Variants in EPHB6 observed in about 807,000 individuals in gnomAD.
The protein encoded by EPHB6 is ephrin type-B receptor 6.
In EPHB6, 51 loss-of-function variants were observed where a neutral mutation model predicts 107.0. The observed-to-expected ratio is 0.48, with a 90% confidence interval of 0.38 to 0.60. The LOEUF (loss-of-function observed/expected upper bound fraction) is 0.60. EPHB6 is among the 20% of genes least tolerant of loss of function. The pLI is 0.00. For missense variants in EPHB6, 1,141 were observed against 1,355.5 expected (o/e 0.84, Z 2.48); for synonymous variants, 553 against 549.0 (o/e 1.01, Z -0.10).
chr7:142,856,164 C>G (rs1278099847), intron 1 of EPHB6, among the ~76,000 whole-genome samples: 1 of 152,190 alleles, frequency 6.6e-6, no homozygotes, highest in African/African-American at 2.4e-5. Flanking sequence ...GCCCTCCGCC[C>G]GCCAGGGGAA....
intron 5 of EPHB6, 86 bp from the exon 6 acceptor site, chr7:142,863,545 T>G (rs1043355699): frequency 6.6e-7 from 1 of 1,510,806 alleles, no homozygotes; most frequent in African/African-American, 1.4e-5. Flanking sequence ...GGTGGGGCAT[T>G]CTTTTGTTCG....
At position 142,863,647 on chromosome 7, in the gene EPHB6, C is replaced by A; in HGVS notation, c.117C>A (p.Thr39=). The part of the protein sequence containing the change: ...VLALEEVLLD[T]TGETSEIGWL... ...TCTGGGCAGAGGTATTGCTGGACAC[C>A]ACCGGAGAGACATCTGAGATTGGCT... is the stretch of plus-strand genomic sequence containing the variant. Residue 39 remains threonine (T), a synonymous_variant, in exon 6 of 20, where the codon ACC becomes ACA. Coordinates refer to ENST00000652003, the MANE Select transcript of EPHB6 (RefSeq NM_004445.6). 1 of 1,613,872 alleles carries A rather than the reference C, an allele frequency of 6.2e-7. No individual in the cohort carries two copies. Among genetic ancestry groups the A allele is most frequent in the South Asian group, 1.1e-5 (1 of 91,072 alleles).
chr7:142,868,022 G>A lies in EPHB6; in HGVS notation c.1891G>A (p.Glu631Lys), dbSNP rs776749558. ...QRKRRGTGYT[E>K]QLQQYSSPGL... ...GAAGCGGCGTGGGACTGGCTACACA[G>A]AGCAGCTGCAGCAATACAGCAGCCC... Residue 631 changes from glutamate to lysine, a missense_variant, in exon 13 of 20, where the codon GAG becomes AAG. By Grantham distance (56) the Glu-to-Lys change is moderately conservative. Around this residue, in one of 3 missense-constraint regions of EPHB6, gnomAD observed 616 missense variants for 759.3 expected, o/e 0.81. Transcript: ENST00000652003. This position sits in a 1 kb window ranked among gnomAD's most constrained non-coding sequence, Gnocchi z 4.2. The A allele has an allele frequency of 7.5e-6, 12 of 1,590,738 alleles. No individual in the cohort carries two copies. Among genetic ancestry groups the A allele is most frequent in the Non-Finnish European group, 1.0e-5 (12 of 1,168,706 alleles).
rs762956839 is a variant in EPHB6, at chr7:142,866,282, G to C, written c.1428G>C (p.Gln476His). ...CTGAGCTCAGCCCTGACCCTCCTCA[G>C]GCTGCAGCCATCAATGTCAGCACCA... ...GVSELSPDPPQAAAINVSTSH... is the reference protein window; with the variant it reads ...GVSELSPDPPHAAAINVSTSH... The change falls in exon 9 of 20, where the codon CAG becomes CAC. Residue 476 changes from glutamine to histidine, a missense_variant. By Grantham distance (24) the Gln-to-His change is conservative. This residue lies in a region of EPHB6 where 616 missense variants were observed against 759.3 expected (regional missense o/e 0.81). Transcript: ENST00000652003. This position sits in a 1 kb window ranked among gnomAD's most constrained non-coding sequence, Gnocchi z 5.2. The C allele has an allele frequency of 3.6e-5, 58 of 1,613,892 alleles. No individual in the cohort carries two copies. In the South Asian group the frequency reaches 6.3e-4, roughly 17 times the overall value.
intron 2 of EPHB6, among the ~76,000 whole-genome samples, chr7:142,861,643 C>A (rs8177130): frequency 0.13 from 20,013 of 152,252 alleles, 3,500 homozygotes; most frequent in African/African-American, 0.4. Context: ...ATCAGTGCAT[C>A]AACAGTTGCC....
At chr7:142,856,957 G>A (rs368395824) in intron 1 of EPHB6, among the ~76,000 whole-genome samples, 143 of 152,314 alleles carry the variant, frequency 9.4e-4, no homozygotes, top group African/African-American at 3.2e-3. Flanking sequence ...CACTGCTGAC[G>A]CAGGTGCTAC....
chr7:142,868,346 A>G lies in EPHB6; in HGVS notation c.2024A>G (p.Glu675Gly). 6.2e-7 allele frequency: 1 copy of G among 1,614,090 alleles called. No homozygotes were observed. Among genetic ancestry groups the G allele is most frequent in the Admixed American group, 1.7e-5 (1 of 60,016 alleles). The change falls in exon 14 of 20, where the codon GAG (glutamate) becomes GGG (glycine). Residue 675 changes from glutamate (E) to glycine (G), a missense_variant. This residue lies in a region of EPHB6 where 616 missense variants were observed against 759.3 expected (regional missense o/e 0.81). Coordinates refer to ENST00000652003, the MANE Select transcript of EPHB6 (RefSeq NM_004445.6). This position sits in a 1 kb window ranked among gnomAD's most constrained non-coding sequence, Gnocchi z 4.2. ...EVDPAYIKIE[E>G]VIGTGSFGEV... ...GATCCTGCTTATATCAAGATTGAGG[A>G]GGTCATTGGGACAGGTACAGCAGGG... is the stretch of plus-strand genomic sequence containing the variant.
Position 142,865,972 on chromosome 7 carries a change from C to T in EPHB6, c.1118C>T (p.Ala373Val). The change falls in exon 9 of 20, where the codon GCT becomes GTT. Residue 373 changes from alanine to valine, a missense_variant. Ala to Val is a moderately conservative substitution (Grantham distance 64, BLOSUM62 0). Around this residue, in one of 3 missense-constraint regions of EPHB6, gnomAD observed 304 missense variants for 295.7 expected, o/e 1.03. Coordinates refer to ENST00000652003, the MANE Select transcript of EPHB6 (RefSeq NM_004445.6). ...TCCGGCCCCCCAGGTCCTCCATCGG[C>T]TCCCCAGGAGCTTTGGTTTGAGGTG... ...PEAPCTGPPS[A>V]PQELWFEVQG... 1 of 1,613,978 alleles carries T rather than the reference C, an allele frequency of 6.2e-7. No homozygotes were observed. Among genetic ancestry groups the T allele is most frequent in the South Asian group, 1.1e-5 (1 of 91,082 alleles).
intron 6 of EPHB6, 68 bp from the exon 7 acceptor site, chr7:142,863,898 C>G: frequency 1.9e-6 from 3 of 1,604,082 alleles, no homozygotes; most frequent in Non-Finnish European, 2.6e-6. Flanking sequence ...ATGTCCCCTT[C>G]CCTATAACCT....
rs758832569 is a variant in EPHB6, at chr7:142,870,798, A to C, written c.2963A>C (p.Asp988Ala). 2 of 1,613,954 alleles carry C rather than the reference A, an allele frequency of 1.2e-6. No homozygotes were observed. The highest frequency in any genetic ancestry group is 1.7e-6 in the Non-Finnish European group (2 of 1,179,992). The change falls in exon 20 of 20, where the codon GAC (aspartate) becomes GCC (alanine). Residue 988 changes from aspartate (D) to alanine (A), a missense_variant and splice_region_variant. By Grantham distance (126) the Asp-to-Ala change is moderately radical (BLOSUM62 -2). Transcript: ENST00000652003. ...FSDVAQLSLE[D>A]LPALGITLAG... is the part of the protein sequence containing the mutation. ...TTGATCCCTTCCCTCCCCACCAGAG[A>C]CCTGCCTGCCCTGGGCATCACCCTG...
intron 5 of EPHB6, 27 bp from the exon 6 acceptor site, chr7:142,863,604 C>T (rs1802957466): frequency 3.7e-6 from 6 of 1,612,774 alleles, no homozygotes; most frequent in Non-Finnish European, 4.2e-6. Context: ...GGCTTGGCCA[C>T]TGTGTGCCCC....
rs1794635086 is a variant in EPHB6 at position 142,867,000 on chromosome 7, T to G, written c.1682T>G (p.Val561Gly). 6.2e-7 allele frequency: 1 copy of G among 1,612,314 alleles called. No homozygotes were observed. The highest frequency in any genetic ancestry group is 8.5e-7 in the Non-Finnish European group (1 of 1,179,806). ...CCTGGCCACATCTATGGTTTCCAGG[T>G]GCGGGCCCGGACTGCTGCCGGCCAC... ...LSPGHIYGFQ[V>G]RARTAAGHGP... Residue 561 changes from valine (V) to glycine (G), a missense_variant, in exon 11 of 20, where the codon GTG becomes GGG. Around this residue, in one of 3 missense-constraint regions of EPHB6, gnomAD observed 616 missense variants for 759.3 expected, o/e 0.81. Coordinates refer to ENST00000652003, the MANE Select transcript of EPHB6 (RefSeq NM_004445.6). The surrounding 1 kb of genome is among the most constrained non-coding windows in gnomAD (Gnocchi z 5.2).
At position 142,869,195 on chromosome 7, in the gene EPHB6, C is replaced by G. The variant is rs767963226; in HGVS notation, c.2460+48C>G. 3.8e-6 allele frequency: 6 copies of G among 1,596,466 alleles called. No individual in the cohort carries two copies. The highest frequency in any genetic ancestry group is 5.1e-6 in the Non-Finnish European group (6 of 1,169,926). On this transcript the variant is annotated intron_variant, in intron 16 of 19. Transcript: ENST00000652003. The surrounding 1 kb of genome is among the most constrained non-coding windows in gnomAD (Gnocchi z 4.5). ...ACAGCCTGGGGCCTTGTGGCATGCCCCAGCAGGTGCTGGGGTCGGGGGTGA... is the reference window on the plus strand; with the variant it reads ...ACAGCCTGGGGCCTTGTGGCATGCCGCAGCAGGTGCTGGGGTCGGGGGTGA...
rs1794726125 is a variant in EPHB6 at position 142,868,495 on chromosome 7, C to T, written c.2042C>T (p.Ser681Phe). 2.5e-6 allele frequency: 4 copies of T among 1,613,946 alleles called. No individual in the cohort carries two copies. The highest frequency in any genetic ancestry group is 2.7e-5 in the African/African-American group (2 of 74,928). ...CAACCTACACCTATTTTCCCAGGCTCTTTTGGAGAAGTGCGCCAGGGCCGC... is the reference window on the plus strand; with the variant it reads ...CAACCTACACCTATTTTCCCAGGCTTTTTTGGAGAAGTGCGCCAGGGCCGC... ...IKIEEVIGTG[S>F]FGEVRQGRLQ... Residue 681 changes from serine to phenylalanine, a missense_variant, in exon 15 of 20, where the codon TCT becomes TTT. Physicochemically the swap from Ser to Phe is radical, Grantham distance 155 (BLOSUM62 -2). Coordinates refer to ENST00000652003, the MANE Select transcript of EPHB6 (RefSeq NM_004445.6). The surrounding 1 kb of genome is among the most constrained non-coding windows in gnomAD (Gnocchi z 4.2).
intron 1 of EPHB6, among the ~76,000 whole-genome samples, chr7:142,858,089 C>T (rs772084594): frequency 1.6e-4 from 25 of 151,932 alleles, no homozygotes; most frequent in Non-Finnish European, 3.2e-4. Flanking sequence ...TGAGATTTTA[C>T]GTTAATTATA....
Position 142,867,630 on chromosome 7 carries a change from A to G in EPHB6, c.1773A>G (p.Pro591=), listed in dbSNP as rs8177153. ...CAGGGGAGCTGTCTTCCCAGCTTCC[A>G]GAAAGACTCTCCTTGGTGATCGGCT... is the stretch of plus-strand genomic sequence containing the variant. ...LPQGELSSQL[P]ERLSLVIGSI... Residue 591 remains proline (P), a synonymous_variant, in exon 12 of 20, where the codon CCA becomes CCG. Transcript: ENST00000652003. The surrounding 1 kb of genome is among the most constrained non-coding windows in gnomAD (Gnocchi z 5.3). The G allele has an allele frequency of 0.98, 1,581,477 of 1,613,266 alleles. 775,502 individuals carry two copies. Among genetic ancestry groups the G allele is most frequent in the East Asian group, 0.99 (44,438 of 44,860 alleles).
intron 1 of EPHB6, among the ~76,000 whole-genome samples, chr7:142,860,372 T>C (rs1251430701): frequency 6.6e-6 from 1 of 152,248 alleles, no homozygotes; most frequent in Non-Finnish European, 1.5e-5. Context: ...AAGGACTCCG[T>C]GACTCTGGTT....
rs1437945448 is a variant in EPHB6, at chr7:142,866,478, T to C, written c.1463-3T>C. On this transcript the variant is annotated splice_region_variant and splice_polypyrimidine_tract_variant and intron_variant, in intron 9 of 19. Transcript: ENST00000652003. This position sits in a 1 kb window ranked among gnomAD's most constrained non-coding sequence, Gnocchi z 5.2. Reference sequence around the variant, plus strand: ...CCATAATAATTTTCCTTTTGCACTCTAGTGCCCTCTGCTGTCCCTGTGGTG... The same window carrying C: ...CCATAATAATTTTCCTTTTGCACTCCAGTGCCCTCTGCTGTCCCTGTGGTG... 1 of 1,614,120 alleles carries C rather than the reference T, an allele frequency of 6.2e-7. No homozygotes were observed. The highest frequency in any genetic ancestry group is 8.5e-7 in the Non-Finnish European group (1 of 1,180,014).
rs139843314 is a variant in EPHB6 at position 142,865,546 on chromosome 7, G to A, written c.1021G>A (p.Ala341Thr). The change falls in exon 8 of 20, where the codon GCT becomes ACT. Residue 341 changes from alanine to threonine, a missense_variant. Ala to Thr is a moderately conservative substitution (Grantham distance 58). Around this residue, in one of 3 missense-constraint regions of EPHB6, gnomAD observed 304 missense variants for 295.7 expected, o/e 1.03. Coordinates refer to ENST00000652003, the MANE Select transcript of EPHB6 (RefSeq NM_004445.6). The stretch of plus-strand genomic sequence containing the variant: ...CTCACCATGCCCTGCCCGCAGTCAC[G>A]CTCCCAACCCAGCAGCCCCCGTTTG... ...PCSPCPARSH[A>T]PNPAAPVCPC... The A allele has an allele frequency of 3.5e-5, 57 of 1,613,286 alleles. No individual in the cohort carries two copies. The highest frequency in any genetic ancestry group is 3.5e-4 in the Admixed American group (21 of 59,990).
Sources: gnomAD v4.1 joint callset for allele counts (sites outside exome capture counted in the v4.1 genomes callset) on GRCh38, gnomAD v4.1.1 for gene constraint, gnomAD v4.1.1 regional missense constraint, Gnocchi (gnomAD v3.1) non-coding constraint, MANE v1.5 for transcripts, NCBI Gene and HGNC (gene_info 2026-07-23, HGNC 2026-07-21) for gene names.